Variants in PPP4R2 observed in about 807,000 individuals in gnomAD.
PPP4R2 encodes protein phosphatase 4 regulatory subunit 2.
Under a neutral mutation model 47.2 loss-of-function variants are expected in PPP4R2, and 13 were observed. That is an observed-to-expected ratio of 0.28 (90% CI 0.18 to 0.44). The LOEUF (loss-of-function observed/expected upper bound fraction) is 0.44. PPP4R2 is among the 20% of genes least tolerant of loss of function. The pLI is 1.00. For missense variants in PPP4R2, 421 were observed against 491.2 expected (o/e 0.86, Z 1.35); for synonymous variants, 151 against 163.3 (o/e 0.92, Z 0.57).
At position 73,043,961 on chromosome 3, in the gene PPP4R2, G is replaced by C. The variant is rs76335729; in HGVS notation, c.117-3225G>C. 6.6e-3 allele frequency among the ~76,000 whole-genome samples: 1,004 copies of C among 152,258 alleles called. 21 individuals are homozygous for C. The highest frequency in any genetic ancestry group is 0.023 in the African/African-American group (950 of 41,540). On this transcript the variant is annotated intron_variant, in intron 2 of 8. Transcript: ENST00000356692. ...AGACGACTCTAAATTGACTATTCTT[G>C]ATAGCTCATATAAGTGGAATCATAC...
At chr3:73,047,611 C>T (rs1209265698) in intron 3 of PPP4R2, among the ~76,000 whole-genome samples, 1 of 152,120 alleles carries the variant, frequency 6.6e-6, no homozygotes, top group Non-Finnish European at 1.5e-5. Flanking sequence ...AATGGTTTTT[C>T]TTTCCTGTTT....
intron 2 of PPP4R2, among the ~76,000 whole-genome samples, chr3:73,000,337 CAAAA>C (rs1450055599): frequency 6.7e-6 from 1 of 150,332 alleles, no homozygotes; most frequent in African/African-American, 2.4e-5. Flanking sequence ...GACTCTGTCT[CAAAA>C]AAAAATTTCA....
rs952372704 is a variant in PPP4R2, at chr3:73,066,999, A to G, written c.*1277A>G. ...CCCTGTCAAAATTACTGGCTGCCAA[A>G]TTTATACCTGTTTCTTCAGCTGTAC... On this transcript the variant is annotated 3_prime_UTR_variant, in exon 9 of 9. Transcript: ENST00000356692. The G allele has an allele frequency of 5.9e-5, 9 of 152,126 alleles. No individual in the cohort carries two copies. Among genetic ancestry groups the G allele is most frequent in the African/African-American group, 2.2e-4 (9 of 41,446 alleles). The allele number at this position is 152,126 out of a possible 1,614,324, so 9.4% of individuals were successfully genotyped here.
At chr3:73,040,709 T>TA (rs2107296849) in intron 2 of PPP4R2, among the ~76,000 whole-genome samples, 1 of 152,142 alleles carries the variant, frequency 6.6e-6, no homozygotes, top group East Asian at 1.9e-4. Context: ...GGTGGGATTT[T>TA]ACCATGTTGG....
intron 2 of PPP4R2, among the ~76,000 whole-genome samples, chr3:73,000,706 ATAAT>A (rs1195280463): frequency 2.4e-4 from 36 of 152,320 alleles, no homozygotes; most frequent in Non-Finnish European, 2.2e-4. Flanking sequence ...TATAACTAAA[ATAAT>A]TAATCCCCAG....
chr3:73,018,851 C>CT (rs1271517189), intron 2 of PPP4R2, among the ~76,000 whole-genome samples: 2 of 152,054 alleles, frequency 1.3e-5, no homozygotes, highest in African/African-American at 4.8e-5. Context: ...CTTGGATCTC[C>CT]TTTTCTCAAT....
chr3:73,064,183 TA>T, intron 7 of PPP4R2, 37 bp downstream of exon 7: 1 of 1,538,924 alleles, frequency 6.5e-7, no homozygotes, highest in South Asian at 1.2e-5. Context: ...GTGTTTTTAT[TA>T]AAAGTTAAAG....
chr3:73,062,271 G>T (rs376896494), intron 5 of PPP4R2: 15 of 1,604,328 alleles, frequency 9.3e-6, no homozygotes, highest in Admixed American at 3.5e-5. Flanking sequence ...AGGAGATGAC[G>T]CAATGGACAG....
intron 5 of PPP4R2, chr3:73,062,242 A>T (rs1487245728): frequency 6.3e-7 from 1 of 1,598,926 alleles, no homozygotes; most frequent in African/African-American, 1.4e-5. Flanking sequence ...CTAAGAAAGG[A>T]CTCACAGCCC....
chr3:73,023,250 C>G (rs1049648769), intron 2 of PPP4R2, among the ~76,000 whole-genome samples: 14 of 151,074 alleles, frequency 9.3e-5, no homozygotes, highest in African/African-American at 3.4e-4. Flanking sequence ...ATGGCGCGAT[C>G]TCAACCTCTG....
chr3:73,060,881 C>T, intron 4 of PPP4R2, 142 bp from the exon 5 acceptor site: 1 of 505,914 alleles, frequency 2.0e-6, no homozygotes, highest in South Asian at 3.2e-5. Flanking sequence ...CACCAGTTTT[C>T]ATTTTTAACC....
At chr3:72,997,349 G>C in intron 1 of PPP4R2, 1 of 374,296 alleles carries the variant, frequency 2.7e-6, no homozygotes, top group Non-Finnish European at 4.8e-6. Context: ...CCCGTTCAGG[G>C]GACGAGTGGC....
chr3:73,043,795 T>G (rs1200794060), intron 2 of PPP4R2, among the ~76,000 whole-genome samples: 2 of 152,234 alleles, frequency 1.3e-5, no homozygotes, highest in African/African-American at 4.8e-5. Flanking sequence ...CTATTTGAAG[T>G]GTACAATTTA....
intron 2 of PPP4R2, among the ~76,000 whole-genome samples, chr3:73,015,392 G>A (rs1318749845): frequency 1.3e-5 from 2 of 151,912 alleles, no homozygotes; most frequent in Non-Finnish European, 1.5e-5. Flanking sequence ...GGCCATGCTG[G>A]TCTTGAACTC....
intron 2 of PPP4R2, among the ~76,000 whole-genome samples, chr3:73,007,448 TTTTTC>T (rs1701634428): frequency 6.6e-6 from 1 of 150,754 alleles, no homozygotes; most frequent in Non-Finnish European, 1.5e-5. Flanking sequence ...TTCTTTTATC[TTTTTC>T]TTTTCTGTTT....
chr3:73,021,411 T>TA (rs1263987923), intron 2 of PPP4R2, among the ~76,000 whole-genome samples: 2 of 151,902 alleles, frequency 1.3e-5, no homozygotes, highest in African/African-American at 2.4e-5. Context: ...TTTTTATATA[T>TA]TTTTTTGTGG....
At chr3:73,018,465 A>ATGTTATGTTT (rs1295553516) in intron 2 of PPP4R2, among the ~76,000 whole-genome samples, 7 of 88,848 alleles carry the variant, frequency 7.9e-5, no homozygotes, top group Non-Finnish European at 1.6e-4. Flanking sequence ...ATGTTATGTT[A>ATGTTATGTTT]GTATCCGAAA....
At chr3:73,026,606 TATACAGCCCGCAGGCTGC>T (rs1251011207) in intron 2 of PPP4R2, among the ~76,000 whole-genome samples, 1 of 152,112 alleles carries the variant, frequency 6.6e-6, no homozygotes, top group African/African-American at 2.4e-5. Context: ...ATACCGAGCT[TATACAGCCCGCAGGCTGC>T]ATGCAGCCCA....
At chr3:73,032,635 T>C (rs1237929771) in intron 2 of PPP4R2, among the ~76,000 whole-genome samples, 1 of 152,216 alleles carries the variant, frequency 6.6e-6, no homozygotes, top group African/African-American at 2.4e-5. Flanking sequence ...ACTTTTTCTC[T>C]TAATTTTACA....
Sources: allele counts gnomAD v4.1 joint callset (sites outside exome capture counted in the v4.1 genomes callset), GRCh38; gene constraint gnomAD v4.1.1; transcripts MANE v1.5; gene names NCBI Gene and HGNC (gene_info 2026-07-23, HGNC 2026-07-21).